Variants in DNAJC1 observed in about 807,000 individuals in gnomAD.
The protein encoded by DNAJC1 is dnaJ homolog subfamily C member 1.
In DNAJC1, 58 loss-of-function variants were observed where a neutral mutation model predicts 76.6. The ratio of observed to expected loss-of-function variants is 0.76; its 90% CI spans 0.61 to 0.94. The LOEUF (loss-of-function observed/expected upper bound fraction) is 0.94. Ranked by LOEUF, DNAJC1 falls within the 40% of genes least tolerant of loss-of-function variation. The probability of loss-of-function intolerance (pLI) is 0.00; values close to 1 mark genes in which losing one functional copy is unlikely to be tolerated. For synonymous variants in DNAJC1, 258 were observed against 267.9 expected (o/e 0.96, Z 0.36); for missense variants, 689 against 677.3 (o/e 1.02, Z -0.19).
chr10:21,895,693 T>C (rs964852816), intron 7 of DNAJC1, among the ~76,000 whole-genome samples: 1 of 151,982 alleles, frequency 6.6e-6, no homozygotes, highest in Non-Finnish European at 1.5e-5. Context: ...TTAATATGAA[T>C]AGAAGGAAGA....
At chr10:21,928,988 C>A in intron 2 of DNAJC1, 52 bp downstream of exon 2, 1 of 1,110,046 alleles carries the variant, frequency 9.0e-7, no homozygotes. Flanking sequence ...CTACCATCGA[C>A]ATGTTAATAC....
intron 1 of DNAJC1, among the ~76,000 whole-genome samples, chr10:21,992,183 T>C (rs1452524149): frequency 6.6e-6 from 1 of 152,164 alleles, no homozygotes; most frequent in Non-Finnish European, 1.5e-5. Flanking sequence ...TGGTGGCATG[T>C]GCCCGTAGTC....
At chr10:21,990,535 G>T (rs1838311464) in intron 1 of DNAJC1, among the ~76,000 whole-genome samples, 1 of 152,102 alleles carries the variant, frequency 6.6e-6, no homozygotes, top group African/African-American at 2.4e-5. Flanking sequence ...ATTATGATTT[G>T]GGCTTTAAGA....
intron 8 of DNAJC1, among the ~76,000 whole-genome samples, chr10:21,848,398 T>C (rs1835694867): frequency 6.6e-6 from 1 of 152,220 alleles, no homozygotes; most frequent in Non-Finnish European, 1.5e-5. Flanking sequence ...TTCCATAGGC[T>C]GTCTCTTTGT....
At chr10:21,820,320 T>C (rs1206688540) in intron 8 of DNAJC1, among the ~76,000 whole-genome samples, 1 of 152,246 alleles carries the variant, frequency 6.6e-6, no homozygotes, top group Admixed American at 6.5e-5. Context: ...GTCTGTGTTA[T>C]CCATCTGATG....
intron 8 of DNAJC1, among the ~76,000 whole-genome samples, chr10:21,807,334 A>G (rs1490558931): frequency 6.6e-6 from 1 of 151,994 alleles, no homozygotes; most frequent in Non-Finnish European, 1.5e-5. Context: ...CCTGACACTA[A>G]TCCTCCCTGT....
At chr10:21,767,585 GCTTT>G (rs1304243713) in intron 9 of DNAJC1, among the ~76,000 whole-genome samples, 2 of 152,158 alleles carry the variant, frequency 1.3e-5, no homozygotes, top group Non-Finnish European at 2.9e-5. Context: ...ACTGCACTTG[GCTTT>G]CTTTTTTAAA....
At chr10:21,884,993 C>G (rs1466893665) in intron 7 of DNAJC1, among the ~76,000 whole-genome samples, 1 of 152,010 alleles carries the variant, frequency 6.6e-6, no homozygotes, top group Non-Finnish European at 1.5e-5. Context: ...AATACAATGA[C>G]AGGATCAAAT....
intron 6 of DNAJC1, among the ~76,000 whole-genome samples, chr10:21,916,165 G>A (rs1392205289): frequency 6.6e-6 from 1 of 152,096 alleles, no homozygotes; most frequent in Non-Finnish European, 1.5e-5. Flanking sequence ...GCCAGAAAGA[G>A]TACAAGAAAC....
intron 8 of DNAJC1, among the ~76,000 whole-genome samples, chr10:21,839,990 A>G (rs917254395): frequency 3.9e-5 from 6 of 152,232 alleles, no homozygotes; most frequent in Admixed American, 3.3e-4. Flanking sequence ...AACAGAACCA[A>G]AGACAAAAAC....
At chr10:21,826,003 T>G (rs1835243282) in intron 8 of DNAJC1, among the ~76,000 whole-genome samples, 1 of 152,060 alleles carries the variant, frequency 6.6e-6, no homozygotes, top group Non-Finnish European at 1.5e-5. Flanking sequence ...TTGGGATGCC[T>G]AGGCAGGCAG....
intron 9 of DNAJC1, among the ~76,000 whole-genome samples, chr10:21,787,437 TAG>T: frequency 6.6e-6 from 1 of 151,142 alleles, no homozygotes; most frequent in East Asian, 2.0e-4. Flanking sequence ...GAAGAAGAAA[TAG>T]AGTTATTTGG....
chr10:22,000,018 G>A (rs1184923614), intron 1 of DNAJC1, among the ~76,000 whole-genome samples: 4 of 152,102 alleles, frequency 2.6e-5, no homozygotes, highest in African/African-American at 9.7e-5. Context: ...CCAAATTCCT[G>A]ATGTTCTCCA....
intron 8 of DNAJC1, among the ~76,000 whole-genome samples, chr10:21,840,859 A>G (rs1425763269): frequency 6.6e-6 from 1 of 152,178 alleles, no homozygotes; most frequent in Non-Finnish European, 1.5e-5. Flanking sequence ...ACTATACTAC[A>G]AGGTTACAGT....
chr10:21,800,807 T>C (rs986256214), intron 9 of DNAJC1, among the ~76,000 whole-genome samples: 2 of 152,238 alleles, frequency 1.3e-5, no homozygotes, highest in Non-Finnish European at 2.9e-5. Context: ...TTTAAAATTA[T>C]GGTTGATTAG....
intron 7 of DNAJC1, among the ~76,000 whole-genome samples, chr10:21,899,781 GA>G (rs1412711986): frequency 6.6e-6 from 1 of 152,188 alleles, no homozygotes; most frequent in East Asian, 1.9e-4. Context: ...ATTGCGGGGG[GA>G]CCCTTCCTAG....
chr10:21,867,207 G>GTTT (rs1836015239), intron 8 of DNAJC1, among the ~76,000 whole-genome samples: 1 of 151,932 alleles, frequency 6.6e-6, no homozygotes, highest in African/African-American at 2.4e-5. Flanking sequence ...GACTCAAAAA[G>GTTT]GCAAAAGATG....
chr10:21,942,020 C>T (rs1377229704), intron 1 of DNAJC1, among the ~76,000 whole-genome samples: 8 of 151,984 alleles, frequency 5.3e-5, no homozygotes, highest in African/African-American at 1.5e-4. Context: ...ATACTACAGA[C>T]GAGAGGAAAA....
intron 9 of DNAJC1, among the ~76,000 whole-genome samples, chr10:21,779,448 G>C (rs1386121921): frequency 6.6e-6 from 1 of 152,230 alleles, no homozygotes; most frequent in African/African-American, 2.4e-5. Flanking sequence ...AATATCCGCT[G>C]TTCTGCAGCC....
Sources: allele counts gnomAD v4.1 joint callset (sites outside exome capture counted in the v4.1 genomes callset), GRCh38; gene constraint gnomAD v4.1.1; transcripts MANE v1.5; gene names NCBI Gene and HGNC (gene_info 2026-07-23, HGNC 2026-07-21).